ZPBP: variants seen among roughly 807,000 people sequenced by gnomAD.
ZPBP encodes the protein zona pellucida binding protein, also known as zona pellucida-binding protein 1.
A neutral mutation model predicts 44.8 loss-of-function variants in ZPBP; 26 were observed. The observed-to-expected ratio is 0.58, with a 90% CI of 0.43 to 0.81. The LOEUF is 0.81. ZPBP is among the 30% of genes least tolerant of loss of function. ZPBP has a pLI of 0.00. For missense variants in ZPBP, 409 were observed against 434.0 expected (o/e 0.94, Z 0.51); for synonymous variants, 174 against 153.2 (o/e 1.14, Z -1.00).
intron 7 of ZPBP, among the ~76,000 whole-genome samples, chr7:49,949,842 A>G (rs888913122): frequency 1.3e-5 from 2 of 152,008 alleles, no homozygotes; most frequent in South Asian, 2.1e-4. Flanking sequence ...ACACATTCAT[A>G]TATTTAAATT....
intron 2 of ZPBP, among the ~76,000 whole-genome samples, chr7:49,861,051 T>G (rs692276): frequency 0.098 from 14,945 of 152,280 alleles, 2,127 homozygotes; most frequent in African/African-American, 0.31. Flanking sequence ...TTAATGTTTT[T>G]AAGACTCACC....
chr7:49,875,285 G>T (rs1255822853), intron 2 of ZPBP, among the ~76,000 whole-genome samples: 6 of 132,712 alleles, frequency 4.5e-5, no homozygotes, highest in African/African-American at 1.7e-4. Flanking sequence ...CAGGAGAATC[G>T]CCTGAACCCA....
rs190078567 is a variant in ZPBP, at chr7:49,873,954, C to T, written n.510-23440G>A. Among the ~76,000 whole-genome samples the T allele has an allele frequency of 2.8e-3, 421 of 151,002 alleles. 9 individuals are homozygous for T. Among genetic ancestry groups the T allele is most frequent in the Admixed American group, 0.026 (388 of 15,176 alleles). ...AAGATGAAACAGTATTAGTATGATA[C>T]ATTTATTTATTGCAAATTCAAAGAA... On this transcript the variant is annotated intron_variant and non_coding_transcript_variant, in intron 2 of 2. Coordinates refer to the ZPBP transcript ENST00000465922.
intron 1 of ZPBP, among the ~76,000 whole-genome samples, chr7:49,908,011 C>G (rs1214406203): frequency 6.6e-6 from 1 of 152,128 alleles, no homozygotes; most frequent in Non-Finnish European, 1.5e-5. Flanking sequence ...CTACGGAATG[C>G]AGATTTTCCC....
chr7:49,913,352 C>G (rs1405989663), intron 1 of ZPBP: 2 of 152,178 alleles, frequency 1.3e-5, no homozygotes, highest in Non-Finnish European at 2.9e-5. Context: ...ACTGCAAAGT[C>G]CTGCTAATCT....
chr7:49,901,915 A>AGCTAACACTGTTTGCTAACACT (rs1792758807), intron 1 of ZPBP, among the ~76,000 whole-genome samples: 1 of 137,914 alleles, frequency 7.3e-6, no homozygotes, highest in African/African-American at 2.8e-5. Context: ...TTGCTAACAG[A>AGCTAACACTGTTTGCTAACACT]GTAAACATAG....
the ZPBP span, among the ~76,000 whole-genome samples, chr7:49,840,970 A>T: frequency 6.6e-6 from 1 of 152,200 alleles, no homozygotes; most frequent in Admixed American, 6.5e-5. Context: ...ACAGACTCAG[A>T]TGGTGTCAGG....
In ZPBP at chr7:49,913,888, C is replaced by T. The variant is rs1172908280; in HGVS notation, n.412-12673G>A. ...TTAGTAAGTATAAAGATGCCACTGA[C>T]TGAGTCATCAAAACACTACATATAG... On this transcript the variant is annotated intron_variant and non_coding_transcript_variant, in intron 1 of 2. Transcript: ENST00000465922. 3 of 152,172 alleles carry T rather than the reference C, an allele frequency of 2.0e-5. No individual in the cohort carries two copies. The South Asian group carries it at 6.2e-4, about 32-fold the overall frequency. 9.4% of individuals were successfully genotyped at this position (152,172 alleles called of 1,614,324 possible).
intron 1 of ZPBP, among the ~76,000 whole-genome samples, chr7:50,090,537 GTA>G (rs1562622427): frequency 4.0e-5 from 6 of 151,116 alleles, no homozygotes; most frequent in Admixed American, 1.3e-4. Context: ...ATATATGTGT[GTA>G]TATATGTGTG....
intron 2 of ZPBP, 101 bp downstream of exon 2, chr7:50,089,528 G>A: frequency 1.1e-6 from 1 of 890,252 alleles, no homozygotes; most frequent in Non-Finnish European, 1.8e-6. Context: ...GGCCTTAGGA[G>A]ACTAGGATAA....
chr7:49,928,636 G>A (rs1260970181), intron 1 of ZPBP, among the ~76,000 whole-genome samples: 1 of 152,050 alleles, frequency 6.6e-6, no homozygotes, highest in African/African-American at 2.4e-5. Flanking sequence ...GGAGTGGCAG[G>A]AACGGAAACC....
intron 7 of ZPBP, among the ~76,000 whole-genome samples, chr7:49,975,731 T>C (rs1796483086): frequency 6.6e-6 from 1 of 152,204 alleles, no homozygotes; most frequent in South Asian, 2.1e-4. Flanking sequence ...CCTGGCATCC[T>C]GCATACTAAT....
At position 50,031,299 on chromosome 7, in the gene ZPBP, G is replaced by A. The variant is rs1156298192; in HGVS notation, c.499C>T (p.Pro167Ser). Residue 167 changes from proline (P) to serine (S), a missense_variant, in exon 5 of 8, where the codon CCT (proline) becomes TCT (serine). Physicochemically the swap from Pro to Ser is moderately conservative, Grantham distance 74. Around this residue, in one of 2 missense-constraint regions of ZPBP, gnomAD observed 367 missense variants for 363.1 expected, o/e 1.01. Transcript: ENST00000046087. ...GCTGTGAACTGATAATAATAATGAG[G>A]CTCACGATAAGCTGTAAAAAATTAA... ...LKYAIYAYRE[P>S]HYYYQFTARY... The A allele has an allele frequency of 6.2e-7, 1 of 1,609,442 alleles. No individual in the cohort carries two copies. Among genetic ancestry groups the A allele is most frequent in the Non-Finnish European group, 8.5e-7 (1 of 1,178,916 alleles).
intron 1 of ZPBP, among the ~76,000 whole-genome samples, chr7:49,930,288 G>A (rs529209305): frequency 9.2e-5 from 14 of 152,212 alleles, no homozygotes; most frequent in South Asian, 4.1e-4. Context: ...ACTGACACAC[G>A]TCTTCACCAT....
At chr7:49,903,374 A>T (rs1336612264) in intron 1 of ZPBP, among the ~76,000 whole-genome samples, 2 of 152,230 alleles carry the variant, frequency 1.3e-5, no homozygotes, top group Non-Finnish European at 2.9e-5. Flanking sequence ...AAACTGTGGT[A>T]CAGCCATACC....
chr7:50,064,798 T>C (rs534619352), intron 3 of ZPBP, among the ~76,000 whole-genome samples: 1 of 152,302 alleles, frequency 6.6e-6, no homozygotes, highest in Admixed American at 6.5e-5. Flanking sequence ...GTACAATTTG[T>C]GCAGTTAATG....
At chr7:49,946,325 C>T (rs1379528730) in intron 7 of ZPBP, among the ~76,000 whole-genome samples, 1 of 151,982 alleles carries the variant, frequency 6.6e-6, no homozygotes, top group African/African-American at 2.4e-5. Context: ...TCATTAACAT[C>T]CCTTTCCTTC....
intron 7 of ZPBP, among the ~76,000 whole-genome samples, chr7:49,979,948 T>C (rs866837017): frequency 8.9e-6 from 1 of 112,508 alleles, no homozygotes; most frequent in Non-Finnish European, 1.7e-5. Context: ...TATATAAATA[T>C]ATATTAATAT....
At chr7:49,993,789 A>G (rs1231495634) in intron 6 of ZPBP, among the ~76,000 whole-genome samples, 1 of 152,136 alleles carries the variant, frequency 6.6e-6, no homozygotes, top group Non-Finnish European at 1.5e-5. Context: ...ATGGGAATCC[A>G]TATTGCTGAA....
Sources: gnomAD v4.1 joint callset for allele counts (sites outside exome capture counted in the v4.1 genomes callset) on GRCh38, gnomAD v4.1.1 for gene constraint, gnomAD v4.1.1 regional missense constraint, MANE v1.5 for transcripts, NCBI Gene and HGNC (gene_info 2026-07-23, HGNC 2026-07-21) for gene names.